The following BRK1 variants were observed in gnomAD, a reference collection of about 807,000 sequenced individuals.
BRK1 encodes the protein BRICK1 subunit of SCAR/WAVE actin nucleating complex.
In BRK1, 6 loss-of-function variants were observed where a neutral mutation model predicts 9.9. The ratio of observed to expected loss-of-function variants is 0.60; its 90% confidence interval spans 0.33 to 1.19. The LOEUF (loss-of-function observed/expected upper bound fraction) is 1.19. Ranked by LOEUF, BRK1 falls within the 50% of genes most tolerant of loss-of-function variation. The pLI is 0.04. For synonymous variants in BRK1, 44 were observed against 31.9 expected (o/e 1.38, Z -1.28); for missense variants, 62 against 97.5 (o/e 0.64, Z 1.53).
At chr3:10,120,480 C>T (rs1315901783) in intron 1 of BRK1, among the ~76,000 whole-genome samples, 2 of 152,186 alleles carry the variant, frequency 1.3e-5, no homozygotes, top group Admixed American at 1.3e-4. Flanking sequence ...CAGGTGTGAA[C>T]CACCGTGCCC....
In BRK1 at chr3:10,127,033, T is replaced by C. The variant is rs752530126; in HGVS notation, c.*738T>C. 6.6e-6 allele frequency: 1 copy of C among 152,656 alleles called. No individual in the cohort carries two copies. Among genetic ancestry groups the C allele is most frequent in the Non-Finnish European group, 1.5e-5 (1 of 68,044 alleles). The allele number at this position is 152,656 out of a possible 1,614,324, so 9.5% of individuals were successfully genotyped here. On this transcript the variant is annotated 3_prime_UTR_variant, in exon 3 of 3. Coordinates refer to ENST00000530758, the MANE Select transcript of BRK1 (RefSeq NM_018462.5). ...CATAAAACTTTCAGATGTAGCTGTT[T>C]GATTCAAAGCCTAGGTGGCTTACCA...
At chr3:10,115,881 C>A in intron 1 of BRK1, 62 bp downstream of exon 1, 1 of 1,353,964 alleles carries the variant, frequency 7.4e-7, no homozygotes, top group South Asian at 1.2e-5. Context: ...TGGGCTGGGG[C>A]GCCGGGGAGA....
rs181193811 is a variant in BRK1 at position 10,126,189 on chromosome 3, C to G, written c.202-80C>G. On this transcript the variant is annotated intron_variant, in intron 2 of 2. Coordinates refer to ENST00000530758, the MANE Select transcript of BRK1 (RefSeq NM_018462.5). ...CTTCTTTTCTGCTATTTCTCACTGC[C>G]TAGGATCTAAAGATTTTTTTTTAGA... 20 of 1,010,242 alleles carry G rather than the reference C, an allele frequency of 2.0e-5. No individual in the cohort carries two copies. The African/African-American group carries it at 3.1e-4, about 16-fold the overall frequency. The allele number at this position is 1,010,242 out of a possible 1,614,324, so 62.6% of individuals were successfully genotyped here. A position where few individuals can be genotyped will look rare whatever the true frequency, so the allele number is the denominator to read the frequency against.
intron 2 of BRK1, 55 bp from the exon 3 acceptor site, chr3:10,126,214 A>G (rs1695838151): frequency 1.5e-5 from 18 of 1,211,212 alleles, no homozygotes; most frequent in Non-Finnish European, 2.0e-5. Flanking sequence ...TTTTTTTTAG[A>G]CCCCTCTAAT....
At position 10,123,438 on chromosome 3, in the gene BRK1, C is replaced by CTTTTT. The variant is rs869148224; in HGVS notation, c.119-2177_119-2173dup. 5.9e-3 allele frequency among the ~76,000 whole-genome samples: 801 copies of CTTTTT among 135,990 alleles called. 10 individuals carry two copies. Among genetic ancestry groups the CTTTTT allele is most frequent in the African/African-American group, 0.011 (377 of 35,420 alleles). The allele number at this position is 135,990 out of a possible 152,430, so 89.2% of individuals were successfully genotyped here. ...GCTTTCTTGGCCTCTACTTTCTTTCCTTTTTTTTTTTTTTTGAGACGGAGT... is the reference window on the plus strand; with the variant it reads ...GCTTTCTTGGCCTCTACTTTCTTTCCTTTTTTTTTTTTTTTTTTTTGAGACGGAGT... On this transcript the variant is annotated intron_variant, in intron 1 of 2. Coordinates refer to ENST00000530758, the MANE Select transcript of BRK1 (RefSeq NM_018462.5).
chr3:10,115,681 G>C lies in BRK1; in HGVS notation c.-21G>C. The C allele has an allele frequency of 2.5e-6, 4 of 1,602,354 alleles. No homozygotes were observed. The highest frequency in any genetic ancestry group is 3.4e-6 in the Non-Finnish European group (4 of 1,169,512). ...GTAGGGTCGGGGCGCCTGCGCAGTC[G>C]CTCTTCCTCAGGCGGCGGCCATGGC... On this transcript the variant is annotated 5_prime_UTR_variant, in exon 1 of 3. Transcript: ENST00000530758.
intron 1 of BRK1, among the ~76,000 whole-genome samples, chr3:10,121,635 C>T (rs183470725): frequency 7.2e-5 from 11 of 151,958 alleles, no homozygotes; most frequent in East Asian, 3.9e-4. Context: ...CTTGTTCTAA[C>T]GGTGAAACAG....
At chr3:10,117,662 G>A (rs949153565) in intron 1 of BRK1, among the ~76,000 whole-genome samples, 7 of 152,016 alleles carry the variant, frequency 4.6e-5, no homozygotes, top group Non-Finnish European at 7.4e-5. Context: ...CTCCCAAAGT[G>A]CTGGGATTAC....
At chr3:10,122,334 T>G (rs1695769266) in intron 1 of BRK1, among the ~76,000 whole-genome samples, 1 of 152,152 alleles carries the variant, frequency 6.6e-6, no homozygotes, top group Admixed American at 6.6e-5. Flanking sequence ...ATAGTAGTGA[T>G]GCACATTCTT....
intron 1 of BRK1, among the ~76,000 whole-genome samples, chr3:10,124,100 T>A (rs1017334856): frequency 6.7e-6 from 1 of 150,284 alleles, no homozygotes; most frequent in Non-Finnish European, 1.5e-5. Flanking sequence ...AAGTCTTAGT[T>A]AGGCCATTAG....
intron 2 of BRK1, 137 bp from the exon 3 acceptor site, chr3:10,126,132 T>C: frequency 3.2e-6 from 2 of 615,848 alleles, no homozygotes; most frequent in Non-Finnish European, 5.4e-6. Context: ...GTTGCCTGGA[T>C]TTGAACCATG....
Position 10,126,301 on chromosome 3 carries a change from T to C in BRK1, c.*6T>C, listed in dbSNP as rs1451534783. The C allele has an allele frequency of 1.3e-6, 2 of 1,577,878 alleles. No homozygotes were observed. Among genetic ancestry groups the C allele is most frequent in the Middle Eastern group, 1.7e-4 (1 of 5,956 alleles). ...AAGGTGAGACACTCACCTAGAACAG[T>C]GCCGTGCTGCTGCTGGGAAGTTGCT... On this transcript the variant is annotated 3_prime_UTR_variant, in exon 3 of 3. Transcript: ENST00000530758.
intron 1 of BRK1, among the ~76,000 whole-genome samples, chr3:10,117,681 GC>G (rs988555975): frequency 6.6e-4 from 101 of 152,154 alleles, no homozygotes; most frequent in Middle Eastern, 3.4e-3. Context: ...ACAGGCCTGA[GC>G]CACTGTGCCC....
At chr3:10,126,165 T>G in intron 2 of BRK1, 104 bp from the exon 3 acceptor site, 1 of 739,068 alleles carries the variant, frequency 1.4e-6, no homozygotes, top group East Asian at 3.0e-5. Flanking sequence ...CACAGCTATC[T>G]TCTTTTCTGC....
intron 1 of BRK1, among the ~76,000 whole-genome samples, chr3:10,123,937 G>GT (rs1375322028): frequency 6.7e-6 from 1 of 150,162 alleles, no homozygotes; most frequent in African/African-American, 2.5e-5. Flanking sequence ...GTTTCACCAT[G>GT]TTAGCCAGGC....
Position 10,115,775 on chromosome 3 carries a change from T to C in BRK1, c.74T>C (p.Ile25Thr). The C allele has an allele frequency of 2.5e-6, 4 of 1,613,580 alleles. No individual in the cohort carries two copies. The highest frequency in any genetic ancestry group is 3.4e-6 in the Non-Finnish European group (4 of 1,179,716). The part of the protein sequence containing the change: ...DWANREYIEI[I>T]TSSIKKIADF... ...GCTAACCGGGAGTACATTGAGATAA[T>C]CACCAGCAGCATCAAGAAAATCGCA... Residue 25 changes from isoleucine (I) to threonine (T), a missense_variant, in exon 1 of 3, where the codon ATC becomes ACC. Physicochemically the swap from Ile to Thr is moderately conservative, Grantham distance 89 (BLOSUM62 -1). Coordinates refer to ENST00000530758, the MANE Select transcript of BRK1 (RefSeq NM_018462.5).
chr3:10,123,624 C>T (rs529815304), intron 1 of BRK1, among the ~76,000 whole-genome samples: 1,477 of 125,550 alleles, frequency 0.012, 19 homozygotes, highest in Non-Finnish European at 0.016. Flanking sequence ...TTAATAGAGA[C>T]GGGGTTTCAT....
At chr3:10,117,125 CT>C (rs1482775774) in intron 1 of BRK1, among the ~76,000 whole-genome samples, 1 of 152,116 alleles carries the variant, frequency 6.6e-6, no homozygotes, top group African/African-American at 2.4e-5. Flanking sequence ...TCATGCACAC[CT>C]GTTGTCCCAG....
chr3:10,120,199 C>CTT (rs546079992), intron 1 of BRK1, among the ~76,000 whole-genome samples: 241 of 143,760 alleles, frequency 1.7e-3, no homozygotes, highest in Non-Finnish European at 3.1e-3. Flanking sequence ...CTGGCTAATT[C>CTT]TTTTTTTTTT....
Sources: gnomAD v4.1 joint callset for allele counts (sites outside exome capture counted in the v4.1 genomes callset) on GRCh38, gnomAD v4.1.1 for gene constraint, MANE v1.5 for transcripts, NCBI Gene and HGNC (gene_info 2026-07-23, HGNC 2026-07-21) for gene names.